DNAH12: variants seen among roughly 807,000 people sequenced by gnomAD.
The protein encoded by DNAH12 is dynein axonemal heavy chain 12.
A neutral mutation model predicts 371.5 loss-of-function variants in DNAH12; 285 were observed. The ratio of observed to expected loss-of-function variants is 0.77; its 90% confidence interval spans 0.70 to 0.85. DNAH12 has a LOEUF of 0.85. Ranked by LOEUF, DNAH12 falls within the 40% of genes least tolerant of loss-of-function variation. DNAH12 has a pLI of 0.00. For synonymous variants in DNAH12, 1,200 were observed against 1,213.0 expected, an observed-to-expected ratio of 0.99 and a Z score of 0.22; for missense variants, 3,611 against 3,689.4, an observed-to-expected ratio of 0.98 and a Z score of 0.55.
At chr3:57,368,499 G>A (rs920450122) in intron 55 of DNAH12, among the ~76,000 whole-genome samples, 1 of 124,948 alleles carries the variant, frequency 8.0e-6, no homozygotes, top group Non-Finnish European at 1.9e-5. Context: ...AGGTCCCAAG[G>A]TTCCAAAACT....
rs565487621 is a variant in DNAH12 at position 57,534,106 on chromosome 3, T to A, written c.170+8595A>T. On this transcript the variant is annotated intron_variant, in intron 2 of 73. Coordinates refer to ENST00000495027, the MANE Select transcript of DNAH12 (RefSeq NM_001366028.2). ...GCTCCCTCTGTGGGCAGGCATCACC[T>A]GAGTTCAGCTCAGTTTTGCTTTCCA... is the stretch of plus-strand genomic sequence containing the variant. 1.1e-4 allele frequency among the ~76,000 whole-genome samples: 16 copies of A among 152,348 alleles called. No individual in the cohort carries two copies. The South Asian group carries it at 3.1e-3, about 30-fold the overall frequency.
At chr3:57,498,978 A>G (rs1021975197) in intron 11 of DNAH12, among the ~76,000 whole-genome samples, 1 of 151,002 alleles carries the variant, frequency 6.6e-6, no homozygotes, top group Non-Finnish European at 1.5e-5. Context: ...CAGCCTGGGC[A>G]ACAGAGCAAG....
chr3:57,405,152 A>G lies in DNAH12; in HGVS notation c.6577-5T>C. 2.0e-6 allele frequency: 3 copies of G among 1,504,420 alleles called. No individual in the cohort carries two copies. Among genetic ancestry groups the G allele is most frequent in the Non-Finnish European group, 2.6e-6 (3 of 1,134,256 alleles). 93.2% of individuals were successfully genotyped at this position (1,504,420 alleles called of 1,614,324 possible). A position where few individuals can be genotyped will look rare whatever the true frequency, so the allele number is the denominator to read the frequency against. On this transcript the variant is annotated splice_polypyrimidine_tract_variant and splice_region_variant and intron_variant, in intron 41 of 73. Transcript: ENST00000495027. ...TCTTAAGTCTTCTTCAGTTACCTAT[A>G]GAAAGGAAATCAACAAATTTTAAAA...
intron 65 of DNAH12, among the ~76,000 whole-genome samples, chr3:57,318,990 C>T (rs2061745616): frequency 6.6e-6 from 1 of 152,096 alleles, no homozygotes. Context: ...TTTAAGTCTT[C>T]CAATCCATGA....
chr3:57,503,028 A>G (rs1320501594), intron 9 of DNAH12, among the ~76,000 whole-genome samples: 1 of 152,222 alleles, frequency 6.6e-6, no homozygotes, highest in East Asian at 1.9e-4. Context: ...TCAGATTTCA[A>G]TGGCCCAAGA....
chr3:57,435,769 C>T (rs943025848), intron 30 of DNAH12, among the ~76,000 whole-genome samples: 4 of 151,920 alleles, frequency 2.6e-5, no homozygotes, highest in Admixed American at 1.3e-4. Flanking sequence ...CCAGCCTGGG[C>T]GATATCAACA....
chr3:57,479,931 G>A (rs538895257), intron 13 of DNAH12, among the ~76,000 whole-genome samples: 1 of 152,086 alleles, frequency 6.6e-6, no homozygotes, highest in East Asian at 1.9e-4. Flanking sequence ...GTGTGTAGAG[G>A]GAAATTTATA....
chr3:57,421,621 A>G lies in DNAH12; in HGVS notation c.5459T>C (p.Leu1820Ser). ...TTCATCATCTTTTCCCAGTATGATT[A>G]ATCGTATGAAAGTATCAAAAACACG... ...GRRVFDTFIR[L>S]IILGKDDENP... The change falls in exon 36 of 74, where the codon TTA (leucine) becomes TCA (serine). Residue 1820 changes from leucine to serine, a missense_variant. Around this residue, in one of 3 missense-constraint regions of DNAH12, gnomAD observed 2,266 missense variants for 2,236.9 expected, o/e 1.01. Transcript: ENST00000495027. 6.4e-7 allele frequency: 1 copy of G among 1,551,672 alleles called. No individual in the cohort carries two copies. The highest frequency in any genetic ancestry group is 1.7e-4 in the Middle Eastern group (1 of 5,992).
rs2064817279 is a variant in DNAH12 at position 57,427,598 on chromosome 3, G to A, written c.5253+1035C>T. Among the ~76,000 whole-genome samples, 3 of 152,142 alleles carry A rather than the reference G, an allele frequency of 2.0e-5. 1 individual carries two copies. Among genetic ancestry groups the A allele is most frequent in the South Asian group, 4.2e-4 (2 of 4,814 alleles). ...CCAGCTACTCGGGAGGCTAAGGCAG[G>A]AGAATTGCTTCAACGTGGGAGACAG... On this transcript the variant is annotated intron_variant, in intron 34 of 73. Transcript: ENST00000495027.
In DNAH12 at chr3:57,417,126, T is replaced by C. The variant is rs182626360; in HGVS notation, c.5715-1562A>G. 2.1e-3 allele frequency among the ~76,000 whole-genome samples: 315 copies of C among 152,246 alleles called. 1 individual carries two copies. The highest frequency in any genetic ancestry group is 0.02 in the Middle Eastern group (6 of 294). ...TTAACTGGGCATGGTGGCAAATGCCTGTAATCCCAGCTACTTGGGAGGCTA... is the reference window on the plus strand; with the variant it reads ...TTAACTGGGCATGGTGGCAAATGCCCGTAATCCCAGCTACTTGGGAGGCTA... On this transcript the variant is annotated intron_variant, in intron 37 of 73. Transcript: ENST00000495027.
chr3:57,438,479 A>G (rs554697032), intron 29 of DNAH12, among the ~76,000 whole-genome samples: 1 of 152,324 alleles, frequency 6.6e-6, no homozygotes, highest in Non-Finnish European at 1.5e-5. Flanking sequence ...AAATAGAAAA[A>G]GAAGAAGTCA....
At chr3:57,297,079 G>T in intron 70 of DNAH12, 95 bp from the exon 71 acceptor site, 1 of 1,424,422 alleles carries the variant, frequency 7.0e-7, no homozygotes, top group Non-Finnish European at 9.5e-7. Flanking sequence ...TGCTTATGTT[G>T]CCCACATTTT....
rs2062461437 is a variant in DNAH12, at chr3:57,343,651, G to A, written c.9674+8434C>T. ...ACACCTGTAAAGGGTCTGTGCTGAG[G>A]TGGATTAGTAAAAGGGGAAAGCCTC... On this transcript the variant is annotated intron_variant, in intron 60 of 73. Coordinates refer to ENST00000495027, the MANE Select transcript of DNAH12 (RefSeq NM_001366028.2). 2.0e-5 allele frequency among the ~76,000 whole-genome samples: 3 copies of A among 152,206 alleles called. 1 individual carries two copies. The South Asian group carries it at 6.2e-4, about 32-fold the overall frequency.
chr3:57,379,842 CAAAAA>C (rs1170490495), intron 51 of DNAH12, among the ~76,000 whole-genome samples: 1,721 of 22,106 alleles, frequency 0.078, 11 homozygotes, highest in African/African-American at 0.22. Flanking sequence ...CTCTGTCTCC[CAAAAA>C]AAAAAAAAAA....
intron 5 of DNAH12, among the ~76,000 whole-genome samples, chr3:57,509,845 G>A (rs1403429418): frequency 8.6e-6 from 1 of 116,838 alleles, no homozygotes; most frequent in Admixed American, 1.2e-4. Context: ...CTGGGCGACA[G>A]AGTGAGACTC....
At chr3:57,390,389 G>A in intron 45 of DNAH12, among the ~76,000 whole-genome samples, 1 of 62,090 alleles carries the variant, frequency 1.6e-5, no homozygotes, top group Non-Finnish European at 3.8e-5. Flanking sequence ...CTCCAGCCTG[G>A]GCGACAGAGA....
chr3:57,415,456 T>A lies in DNAH12; in HGVS notation c.5823A>T (p.Leu1941Phe), dbSNP rs1445735840. 6.4e-7 allele frequency: 1 copy of A among 1,550,732 alleles called. No individual in the cohort carries two copies. Among genetic ancestry groups the A allele is most frequent in the Admixed American group, 2.0e-5 (1 of 50,750 alleles). Reference sequence around the variant, plus strand: ...CCTGATTGGCGCTGGTCCGTGCAGATAAGTTAATATAAAAAGGAAAGTACT... The same window carrying A: ...CCTGATTGGCGCTGGTCCGTGCAGAAAAGTTAATATAAAAAGGAAAGTACT... Reference protein sequence around the residue: ...KDQYFPFYINLSARTSANQVQ... With the variant: ...KDQYFPFYINFSARTSANQVQ... The change falls in exon 38 of 74, where the codon TTA becomes TTT. Residue 1941 changes from leucine (L) to phenylalanine (F), a missense_variant. By Grantham distance (22) the Leu-to-Phe change is conservative (BLOSUM62 0). Coordinates refer to ENST00000495027, the MANE Select transcript of DNAH12 (RefSeq NM_001366028.2).
chr3:57,499,646 AAATATATATAT>A (rs1559724405), intron 11 of DNAH12, among the ~76,000 whole-genome samples: 3 of 32,054 alleles, frequency 9.4e-5, no homozygotes, highest in South Asian at 2.9e-3. Context: ...AAAAAAAAAA[AAATATATATAT>A]ATATATATAT....
chr3:57,415,952 C>A (rs2064362971), intron 37 of DNAH12, among the ~76,000 whole-genome samples: 1 of 151,984 alleles, frequency 6.6e-6, no homozygotes, highest in Non-Finnish European at 1.5e-5. Flanking sequence ...CCACACCTGG[C>A]TAATTTTTGT....
Sources: allele counts gnomAD v4.1 joint callset (sites outside exome capture counted in the v4.1 genomes callset), GRCh38; gene constraint gnomAD v4.1.1; regional missense constraint gnomAD v4.1.1; transcripts MANE v1.5; gene names NCBI Gene and HGNC (gene_info 2026-07-23, HGNC 2026-07-21).